LOXL2: variants seen among roughly 807,000 people sequenced by gnomAD.
The protein encoded by LOXL2 is lysyl oxidase homolog 2.
LOXL2 carries 70 observed loss-of-function variants against 93.0 expected under a neutral mutation model. That is an observed-to-expected ratio of 0.75 (90% CI 0.62 to 0.92). The LOEUF (loss-of-function observed/expected upper bound fraction) is 0.92. LOXL2 is among the 40% of genes least tolerant of loss of function. The probability of loss-of-function intolerance (pLI) is 0.00; values close to 1 mark genes in which losing one functional copy is unlikely to be tolerated. For synonymous variants in LOXL2, 438 were observed against 413.2 expected, an observed-to-expected ratio of 1.06 and a Z score of -0.73; for missense variants, 973 against 1,054.9, an observed-to-expected ratio of 0.92 and a Z score of 1.08.
chr8:23,316,867 G>C, intron 9 of LOXL2, 82 bp downstream of exon 9: 1 of 1,337,930 alleles, frequency 7.5e-7, no homozygotes. Flanking sequence ...TCATGGCAAG[G>C]CTTCAGAGTC....
At chr8:23,379,563 T>A (rs1211634217) in intron 1 of LOXL2, among the ~76,000 whole-genome samples, 1 of 152,204 alleles carries the variant, frequency 6.6e-6, no homozygotes, top group Non-Finnish European at 1.5e-5. Context: ...GCAGGCTTCC[T>A]TGAGCTGCGG....
Position 23,368,300 on chromosome 8 carries a change from G to A in LOXL2, c.52C>T (p.Leu18Phe). 1.2e-6 allele frequency: 2 copies of A among 1,613,364 alleles called. No homozygotes were observed. The highest frequency in any genetic ancestry group is 1.1e-5 in the South Asian group (1 of 91,086). The change falls in exon 2 of 14, where the codon CTC becomes TTC. Residue 18 changes from leucine to phenylalanine, a missense_variant. Physicochemically the swap from Leu to Phe is conservative, Grantham distance 22. Transcript: ENST00000389131. ...TGTGCCAGGCTCAGGGGGGACAGGA[G>A]GGCCAGCATAGCCAGGCAGCTGCAG... The part of the protein sequence containing the change: ...HLCSCLAMLA[L>F]LSPLSLAQYD...
At chr8:23,322,554 TTC>T (rs912659868) in intron 6 of LOXL2, among the ~76,000 whole-genome samples, 1 of 152,222 alleles carries the variant, frequency 6.6e-6, no homozygotes, top group Non-Finnish European at 1.5e-5. Flanking sequence ...AATACCAGTT[TTC>T]TCTCATCCTT....
chr8:23,323,754 T>G (rs1585349982), intron 6 of LOXL2, among the ~76,000 whole-genome samples: 1 of 151,892 alleles, frequency 6.6e-6, no homozygotes. Flanking sequence ...CAGGCTGGAG[T>G]GCAGTGACGC....
intron 3 of LOXL2, among the ~76,000 whole-genome samples, chr8:23,353,980 G>C (rs193066891): frequency 6.6e-6 from 1 of 152,132 alleles, no homozygotes; most frequent in Non-Finnish European, 1.5e-5. Flanking sequence ...CTCTAGAGGG[G>C]AATTTACAAA....
chr8:23,382,137 A>C (rs1185316042), intron 1 of LOXL2, among the ~76,000 whole-genome samples: 1 of 152,194 alleles, frequency 6.6e-6, no homozygotes, highest in Non-Finnish European at 1.5e-5. Flanking sequence ...GGTTGCCATA[A>C]TGAGTGGGCT....
chr8:23,395,247 C>T (rs1257901203), intron 1 of LOXL2, among the ~76,000 whole-genome samples: 2 of 148,744 alleles, frequency 1.3e-5, no homozygotes, highest in Admixed American at 6.8e-5. Context: ...AGCAAGATTC[C>T]GTCTCAAAAC....
chr8:23,318,190 C>T (rs368125103), intron 8 of LOXL2, among the ~76,000 whole-genome samples: 3 of 51,292 alleles, frequency 5.8e-5, no homozygotes, highest in African/African-American at 2.3e-4. Flanking sequence ...AAAAAAAAAC[C>T]CAAAAAACCT....
Position 23,322,300 on chromosome 8 carries a change from C to T in LOXL2, c.1151-19G>A. Reference sequence around the variant, plus strand: ...CCGATCCCTGCAAGGGGAGAATAAACATGCTCTATGAAAGCTTTGGAAGGA... The same window carrying T: ...CCGATCCCTGCAAGGGGAGAATAAATATGCTCTATGAAAGCTTTGGAAGGA... On this transcript the variant is annotated intron_variant, in intron 6 of 13. Coordinates refer to ENST00000389131, the MANE Select transcript of LOXL2 (RefSeq NM_002318.3). 1 of 1,608,618 alleles carries T rather than the reference C, an allele frequency of 6.2e-7. No homozygotes were observed. Among genetic ancestry groups the T allele is most frequent in the South Asian group, 1.1e-5 (1 of 90,586 alleles).
At chr8:23,336,567 C>T (rs1458480533) in intron 4 of LOXL2, 5 of 152,300 alleles carry the variant, frequency 3.3e-5, no homozygotes, top group Admixed American at 6.5e-5. Context: ...GTAGGAAGAA[C>T]ACGGAGCTGG....
intron 5 of LOXL2, among the ~76,000 whole-genome samples, chr8:23,332,216 C>A (rs1298754500): frequency 8.8e-5 from 12 of 136,556 alleles, no homozygotes; most frequent in Non-Finnish European, 1.6e-4. Flanking sequence ...CACACCCACC[C>A]CACACACCCC....
rs755995559 is a variant in LOXL2 at position 23,341,185 on chromosome 8, C to T, written c.550G>A (p.Glu184Lys). 4 of 1,613,044 alleles carry T rather than the reference C, an allele frequency of 2.5e-6. No homozygotes were observed. In the Admixed American group the frequency reaches 6.7e-5, roughly 27 times the overall value. Reference sequence around the variant, plus strand: ...AGGATGGCTCGAATCCGAATGTCCTCCACCTGGATATTCAGGTTCTGGGAA... The same window carrying T: ...AGGATGGCTCGAATCCGAATGTCCTTCACCTGGATATTCAGGTTCTGGGAA... Reference protein sequence around the residue: ...NQIENLNIQVEDIRIRAILST... With the variant: ...NQIENLNIQVKDIRIRAILST... The change falls in exon 4 of 14, where the codon GAG (glutamate) becomes AAG (lysine). Residue 184 changes from glutamate (E) to lysine (K), a missense_variant. Coordinates refer to ENST00000389131, the MANE Select transcript of LOXL2 (RefSeq NM_002318.3).
chr8:23,362,143 C>T (rs565868025), intron 2 of LOXL2, among the ~76,000 whole-genome samples: 10 of 152,236 alleles, frequency 6.6e-5, no homozygotes, highest in South Asian at 6.2e-4. Flanking sequence ...TCTATCCATA[C>T]GATGGAATAT....
intron 1 of LOXL2, among the ~76,000 whole-genome samples, chr8:23,403,174 A>C (rs1296256486): frequency 6.6e-6 from 1 of 152,070 alleles, no homozygotes; most frequent in Admixed American, 6.5e-5. Context: ...AGTTGTAGGC[A>C]CTTCAGACCA....
chr8:23,302,628 C>T lies in LOXL2; in HGVS notation c.1997-465G>A, dbSNP rs12677163. Among the ~76,000 whole-genome samples, 87 of 152,314 alleles carry T rather than the reference C, an allele frequency of 5.7e-4. No homozygotes were observed. In the East Asian group the frequency reaches 0.014, roughly 25 times the overall value. On this transcript the variant is annotated intron_variant, in intron 11 of 13. Coordinates refer to ENST00000389131, the MANE Select transcript of LOXL2 (RefSeq NM_002318.3). Reference sequence around the variant, plus strand: ...AACACCTGTCTGCTGTGTGATTTCACGGCAAGTCAGTGGCGGGCCGCTTCA... The same window carrying T: ...AACACCTGTCTGCTGTGTGATTTCATGGCAAGTCAGTGGCGGGCCGCTTCA...
At chr8:23,325,013 C>G (rs1307524911) in intron 6 of LOXL2, among the ~76,000 whole-genome samples, 1 of 152,202 alleles carries the variant, frequency 6.6e-6, no homozygotes, top group Non-Finnish European at 1.5e-5. Context: ...GAGCCACCAG[C>G]TGCATGTGGC....
chr8:23,354,958 T>A (rs1187126561), intron 3 of LOXL2, among the ~76,000 whole-genome samples: 18,757 of 84,366 alleles, frequency 0.22, 2,714 homozygotes, highest in African/African-American at 0.39. Context: ...TATTTTTTTT[T>A]TTTTTTTTTT....
chr8:23,338,216 T>A (rs1585357360), intron 4 of LOXL2, among the ~76,000 whole-genome samples: 2 of 152,146 alleles, frequency 1.3e-5, no homozygotes, highest in African/African-American at 4.8e-5. Context: ...TCCCACTGGG[T>A]CCCTCCCACG....
At chr8:23,309,396 G>A (rs918585340) in intron 10 of LOXL2, among the ~76,000 whole-genome samples, 60 of 152,240 alleles carry the variant, frequency 3.9e-4, no homozygotes, top group African/African-American at 1.1e-3. Context: ...AACGAGGAGG[G>A]TATGGGCGCT....
Sources: allele counts gnomAD v4.1 joint callset (sites outside exome capture counted in the v4.1 genomes callset), GRCh38; gene constraint gnomAD v4.1.1; transcripts MANE v1.5; gene names NCBI Gene and HGNC (gene_info 2026-07-23, HGNC 2026-07-21).